The following IMMP2L variants were observed in gnomAD, a reference collection of about 807,000 sequenced individuals.
The protein encoded by IMMP2L is mitochondrial inner membrane protease subunit 2.
In IMMP2L, 18 loss-of-function variants were observed where a neutral mutation model predicts 19.3. That is an observed-to-expected ratio of 0.93 (90% CI 0.64 to 1.38). The LOEUF (loss-of-function observed/expected upper bound fraction) is 1.38. Ranked by LOEUF, IMMP2L falls within the 40% of genes most tolerant of loss-of-function variation. The probability of loss-of-function intolerance (pLI) is 0.00; values close to 1 mark genes in which losing one functional copy is unlikely to be tolerated. For missense variants in IMMP2L, 233 were observed against 218.2 expected (o/e 1.07, Z -0.43); for synonymous variants, 76 against 73.0 (o/e 1.04, Z -0.21).
chr7:110,697,814 A>T, intron 5 of IMMP2L, among the ~76,000 whole-genome samples: 1 of 152,226 alleles, frequency 6.6e-6, no homozygotes, highest in Non-Finnish European at 1.5e-5. Flanking sequence ...AAATAAAAAA[A>T]TAATTCTTAA....
At chr7:110,903,759 T>C (rs185288816) in intron 4 of IMMP2L, among the ~76,000 whole-genome samples, 2 of 152,096 alleles carry the variant, frequency 1.3e-5, no homozygotes, top group African/African-American at 4.8e-5. Flanking sequence ...CTGGATCATA[T>C]AGTAGCTCTG....
intron 4 of IMMP2L, chr7:110,963,127 T>C: frequency 6.7e-7 from 1 of 1,491,240 alleles, no homozygotes. Flanking sequence ...TTTCTGCATT[T>C]GCTTCTAAAA....
chr7:111,464,393 G>A (rs1399521787), intron 3 of IMMP2L, among the ~76,000 whole-genome samples: 1 of 152,162 alleles, frequency 6.6e-6, no homozygotes, highest in Non-Finnish European at 1.5e-5. Context: ...TAAGGCAGGA[G>A]GATTACTTGA....
intron 3 of IMMP2L, chr7:111,097,412 C>A (rs1797516875): frequency 6.6e-6 from 1 of 151,778 alleles, no homozygotes; most frequent in Non-Finnish European, 1.5e-5. Context: ...GGACTTATAA[C>A]TTTTTTCTAA....
chr7:111,176,674 T>C (rs550743730), intron 3 of IMMP2L, among the ~76,000 whole-genome samples: 1 of 151,990 alleles, frequency 6.6e-6, no homozygotes, highest in Non-Finnish European at 1.5e-5. Flanking sequence ...TACAAAAATA[T>C]AGTTTAATAG....
chr7:111,319,096 C>T (rs1824404834), intron 3 of IMMP2L, among the ~76,000 whole-genome samples: 1 of 152,048 alleles, frequency 6.6e-6, no homozygotes, highest in African/African-American at 2.4e-5. Context: ...TAAGCGTTAC[C>T]AAATATGTCT....
intron 3 of IMMP2L, among the ~76,000 whole-genome samples, chr7:111,180,953 T>C (rs538808356): frequency 5.9e-5 from 9 of 152,140 alleles, no homozygotes; most frequent in East Asian, 1.9e-4. Flanking sequence ...CTTGATTCTA[T>C]TGGAACAAGG....
At chr7:110,889,844 C>G (rs75980475) in intron 4 of IMMP2L, among the ~76,000 whole-genome samples, 2 of 152,236 alleles carry the variant, frequency 1.3e-5, no homozygotes, top group Middle Eastern at 3.4e-3. Context: ...AGTAACAATA[C>G]CTAACTCAAA....
At chr7:111,264,333 T>C (rs966853447) in intron 3 of IMMP2L, among the ~76,000 whole-genome samples, 1 of 152,148 alleles carries the variant, frequency 6.6e-6, no homozygotes, top group African/African-American at 2.4e-5. Context: ...GATCCAGATT[T>C]AGGTCTATAA....
At chr7:111,503,457 C>T (rs1844524265) in intron 2 of IMMP2L, among the ~76,000 whole-genome samples, 1 of 152,122 alleles carries the variant, frequency 6.6e-6, no homozygotes, top group Admixed American at 6.5e-5. Context: ...GGAATCCTCC[C>T]TAACTCATTT....
intron 4 of IMMP2L, among the ~76,000 whole-genome samples, chr7:110,951,369 A>G (rs1008631861): frequency 6.6e-6 from 1 of 152,106 alleles, no homozygotes; most frequent in Non-Finnish European, 1.5e-5. Context: ...CTATTCATTA[A>G]CCTGGGAGAA....
At chr7:110,881,033 T>A (rs938466406) in intron 5 of IMMP2L, among the ~76,000 whole-genome samples, 1 of 152,150 alleles carries the variant, frequency 6.6e-6, no homozygotes, top group Non-Finnish European at 1.5e-5. Context: ...TTCACCACCA[T>A]ATTATGTTTC....
intron 3 of IMMP2L, among the ~76,000 whole-genome samples, chr7:111,081,810 C>T (rs1183246049): frequency 1.3e-5 from 2 of 152,086 alleles, no homozygotes; most frequent in African/African-American, 4.8e-5. Flanking sequence ...AAATTGTATA[C>T]TTTTAAAATA....
chr7:110,834,801 A>C (rs1804288038), intron 5 of IMMP2L, among the ~76,000 whole-genome samples: 1 of 152,204 alleles, frequency 6.6e-6, no homozygotes, highest in Non-Finnish European at 1.5e-5. Context: ...AACTGAAAGA[A>C]TTGGAAGAAG....
intron 5 of IMMP2L, among the ~76,000 whole-genome samples, chr7:110,839,803 A>T (rs953165540): frequency 1.3e-5 from 2 of 152,158 alleles, no homozygotes; most frequent in Admixed American, 1.3e-4. Flanking sequence ...GCTTATATTA[A>T]TTAAGCAGAT....
intron 5 of IMMP2L, among the ~76,000 whole-genome samples, chr7:110,780,615 A>C (rs1799673431): frequency 2.0e-5 from 3 of 151,272 alleles, no homozygotes. Flanking sequence ...CACGTTGCCA[A>C]CTCACCTCTA....
rs779210868 is a variant in IMMP2L, at chr7:111,434,431, C to A, written c.239+52807G>T. 1.7e-4 allele frequency among the ~76,000 whole-genome samples: 25 copies of A among 149,212 alleles called. 1 individual carries two copies. Among genetic ancestry groups the A allele is most frequent in the African/African-American group, 6.3e-4 (25 of 39,700 alleles). ...AATCACAATCAGCAGAGTAAACAGACAAACTACAGAATGTTTTCCACAAGA... is the reference window on the plus strand; with the variant it reads ...AATCACAATCAGCAGAGTAAACAGAAAAACTACAGAATGTTTTCCACAAGA... On this transcript the variant is annotated intron_variant, in intron 3 of 5. Coordinates refer to ENST00000405709, the MANE Select transcript of IMMP2L (RefSeq NM_032549.4).
chr7:111,388,689 A>C (rs1832034520), intron 3 of IMMP2L, among the ~76,000 whole-genome samples: 1 of 152,020 alleles, frequency 6.6e-6, no homozygotes, highest in African/African-American at 2.4e-5. Context: ...ATGAGGAGGA[A>C]GCAAAAGCAG....
At chr7:110,681,053 TAA>T (rs56082024) in intron 5 of IMMP2L, among the ~76,000 whole-genome samples, 5 of 146,922 alleles carry the variant, frequency 3.4e-5, no homozygotes, top group African/African-American at 9.9e-5. Flanking sequence ...TAGTAAGGAT[TAA>T]AAAAAAAAAC....
Sources: gnomAD v4.1 joint callset for allele counts (sites outside exome capture counted in the v4.1 genomes callset) on GRCh38, gnomAD v4.1.1 for gene constraint, MANE v1.5 for transcripts, NCBI Gene and HGNC (gene_info 2026-07-23, HGNC 2026-07-21) for gene names.